The following STS variants were observed in gnomAD, a reference collection of about 807,000 sequenced individuals.
STS encodes the protein steroid sulfatase, also known as steryl-sulfatase.
Under a neutral mutation model 26.8 loss-of-function variants are expected in STS, and 7 were observed. The ratio of observed to expected loss-of-function variants is 0.26; its 90% confidence interval spans 0.15 to 0.49. The LOEUF (loss-of-function observed/expected upper bound fraction) is 0.49. Ranked by LOEUF, STS falls within the 20% of genes least tolerant of loss-of-function variation. The pLI, the probability that STS is intolerant of heterozygous loss-of-function variation, is 0.98. For synonymous variants in STS, 199 were observed against 189.4 expected (o/e 1.05, Z -0.42); for missense variants, 434 against 465.6 (o/e 0.93, Z 0.63).
chrX:7,334,716 C>A (rs1268748715), intron 10 of STS, among the ~76,000 whole-genome samples: 2 of 112,654 alleles, frequency 1.8e-5, no homozygotes, highest in Admixed American at 1.9e-4. Context: ...GATGATGGAT[C>A]GTGACTCACT....
At chrX:7,185,270 A>G (rs1933751345) in intron 1 of STS, among the ~76,000 whole-genome samples, 1 of 112,853 alleles carries the variant, frequency 8.9e-6, no homozygotes, top group African/African-American at 3.2e-5. Context: ...TTCTAACCCT[A>G]TCATCTAGGT....
At chrX:7,215,021 TA>T (rs1921223261) in intron 2 of STS, among the ~76,000 whole-genome samples, 1 of 72,889 alleles carries the variant, frequency 1.4e-5, no homozygotes, top group Non-Finnish European at 2.7e-5. Flanking sequence ...TATATATATA[TA>T]TTATATATGT....
intron 1 of STS, among the ~76,000 whole-genome samples, chrX:7,181,088 C>T (rs1933671725): frequency 8.9e-6 from 1 of 112,124 alleles, no homozygotes; most frequent in Non-Finnish European, 1.9e-5. Flanking sequence ...GGATGCTATT[C>T]GATGGTAAAG....
intron 6 of STS, among the ~76,000 whole-genome samples, chrX:7,264,077 G>C (rs994238471): frequency 1.8e-5 from 2 of 111,760 alleles, no homozygotes; most frequent in Non-Finnish European, 3.8e-5. Flanking sequence ...GGTTTGGGCT[G>C]ACAGGCACTT....
intron 2 of STS, among the ~76,000 whole-genome samples, chrX:7,203,441 G>C (rs1476403526): frequency 9.0e-6 from 1 of 111,293 alleles, no homozygotes; most frequent in Non-Finnish European, 1.9e-5. Flanking sequence ...TCTAAATTAG[G>C]GTCTCTTTAG....
intron 1 of STS, among the ~76,000 whole-genome samples, chrX:7,152,515 C>T (rs1345516944): frequency 3.6e-5 from 4 of 111,521 alleles, no homozygotes; most frequent in African/African-American, 1.3e-4. Context: ...GACGGGGTTT[C>T]ACCATGTTGG....
chrX:7,309,877 G>A (rs774281364), intron 8 of STS, among the ~76,000 whole-genome samples: 17 of 111,586 alleles, frequency 1.5e-4, no homozygotes, highest in Non-Finnish European at 5.7e-5. Flanking sequence ...GGGAAATTGG[G>A]AAATAAGGGT....
At chrX:7,306,589 A>T (rs1337288718) in intron 8 of STS, among the ~76,000 whole-genome samples, 1 of 111,970 alleles carries the variant, frequency 8.9e-6, no homozygotes. Context: ...GGGTGGGTAG[A>T]TGATGACGTG....
chrX:7,179,141 G>T (rs778733901), intron 1 of STS, among the ~76,000 whole-genome samples: 46 of 109,034 alleles, frequency 4.2e-4, no homozygotes, highest in Non-Finnish European at 8.0e-4. Flanking sequence ...GTGGTAACTG[G>T]CTTTCTCTAG....
At chrX:7,265,245 G>A (rs958822633) in intron 6 of STS, among the ~76,000 whole-genome samples, 2 of 111,087 alleles carry the variant, frequency 1.8e-5, no homozygotes, top group African/African-American at 6.5e-5. Flanking sequence ...TGGGAAAGCT[G>A]GACATCCTTA....
chrX:7,315,035 A>G (rs1467092433), intron 8 of STS, among the ~76,000 whole-genome samples: 1 of 112,626 alleles, frequency 8.9e-6, no homozygotes, highest in Admixed American at 9.4e-5. Flanking sequence ...TTAGCAAAAT[A>G]GAGACCAGAA....
chrX:7,198,073 T>A (rs1934003399), intron 2 of STS, among the ~76,000 whole-genome samples: 1 of 111,672 alleles, frequency 9.0e-6, no homozygotes, highest in Non-Finnish European at 1.9e-5. Context: ...ACCCCCCCAA[T>A]GGATTATCTT....
chrX:7,180,760 G>T (rs1434880938), intron 1 of STS, among the ~76,000 whole-genome samples: 1 of 112,431 alleles, frequency 8.9e-6, no homozygotes, highest in African/African-American at 3.2e-5. Context: ...TCAGCTGAGA[G>T]AGCTGATAAG....
intron 1 of STS, among the ~76,000 whole-genome samples, chrX:7,178,429 T>C (rs1389282660): frequency 9.0e-6 from 1 of 111,602 alleles, no homozygotes; most frequent in Non-Finnish European, 1.9e-5. Context: ...TTTTAGCTCC[T>C]TCTGGCTTCA....
intron 2 of STS, among the ~76,000 whole-genome samples, chrX:7,209,364 T>C (rs1448913415): frequency 8.4e-5 from 9 of 107,425 alleles, no homozygotes; most frequent in Admixed American, 8.1e-4. Flanking sequence ...TTATGTATTT[T>C]ATATATAATT....
At chrX:7,216,366 G>A (rs1921312093) in intron 2 of STS, among the ~76,000 whole-genome samples, 1 of 111,389 alleles carries the variant, frequency 9.0e-6, no homozygotes, top group African/African-American at 3.3e-5. Context: ...AACTCCATTG[G>A]TCCAAAAGTC....
intron 6 of STS, among the ~76,000 whole-genome samples, chrX:7,260,800 A>G (rs938563494): frequency 8.9e-6 from 1 of 111,926 alleles, no homozygotes; most frequent in South Asian, 3.7e-4. Flanking sequence ...GATATAAACA[A>G]TGTGGAAAGA....
intron 2 of STS, among the ~76,000 whole-genome samples, chrX:7,237,291 GCA>G (rs1158675779): frequency 2.8e-5 from 3 of 107,898 alleles, no homozygotes; most frequent in African/African-American, 1.0e-4. Flanking sequence ...ATACAAACAT[GCA>G]CACACACACA....
At chrX:7,255,703 T>G (rs1342963014) in intron 3 of STS, among the ~76,000 whole-genome samples, 4 of 112,232 alleles carry the variant, frequency 3.6e-5, no homozygotes, top group Non-Finnish European at 7.5e-5. Context: ...CTATAGACAC[T>G]AGGAAGATTA....
Sources: gnomAD v4.1 joint callset for allele counts (sites outside exome capture counted in the v4.1 genomes callset) on GRCh38, gnomAD v4.1.1 for gene constraint, MANE v1.5 for transcripts, NCBI Gene and HGNC (gene_info 2026-07-23, HGNC 2026-07-21) for gene names.